Variants in TRIP13 observed in about 807,000 individuals in gnomAD.
TRIP13 encodes the protein pachytene checkpoint protein 2 homolog.
Under a neutral mutation model 54.4 loss-of-function variants are expected in TRIP13, and 25 were observed. That is an observed-to-expected ratio of 0.46 (90% CI 0.33 to 0.64). The LOEUF is 0.64. Among genes scored for constraint, TRIP13 ranks in the 30% least tolerant of loss-of-function variants. TRIP13 has a pLI of 0.02. For synonymous variants in TRIP13, 207 were observed against 207.8 expected, an observed-to-expected ratio of 1.00 and a Z score of 0.03; for missense variants, 373 against 534.2, an observed-to-expected ratio of 0.70 and a Z score of 2.97.
intron 4 of TRIP13, 93 bp from the exon 5 acceptor site, chr5:901,248 T>C: frequency 3.5e-6 from 4 of 1,132,852 alleles, no homozygotes; most frequent in Non-Finnish European, 5.2e-6. Context: ...CTCCCTCTTC[T>C]CATGTAGGAT....
At chr5:904,857 A>C (rs80093346) in intron 6 of TRIP13, among the ~76,000 whole-genome samples, 1 of 151,876 alleles carries the variant, frequency 6.6e-6, no homozygotes, top group African/African-American at 2.4e-5. Context: ...CTGTTTTTTC[A>C]TTATGTTCTC....
At chr5:893,658 T>G (rs938737666) in intron 1 of TRIP13, 1 of 161,294 alleles carries the variant, frequency 6.2e-6, no homozygotes, top group African/African-American at 2.4e-5. Flanking sequence ...TGGGGGGAAC[T>G]CAGCGGCGGG....
intron 9 of TRIP13, among the ~76,000 whole-genome samples, chr5:909,821 T>C (rs1264887780): frequency 1.3e-5 from 2 of 152,400 alleles, no homozygotes; most frequent in Middle Eastern, 3.4e-3. Context: ...CAGGAGCATG[T>C]CCTTAAGGCA....
intron 2 of TRIP13, among the ~76,000 whole-genome samples, 167 bp from the exon 3 acceptor site, chr5:896,498 A>G (rs1170551468): frequency 6.6e-6 from 1 of 152,200 alleles, no homozygotes; most frequent in Non-Finnish European, 1.5e-5. Flanking sequence ...AAAAGAGCCA[A>G]TCCTCAATCT....
intron 1 of TRIP13, 42 bp downstream of exon 1, chr5:893,132 G>GGGCCCCCCCCCCCCCCCCC: frequency 7.9e-7 from 1 of 1,264,120 alleles, no homozygotes; most frequent in South Asian, 1.3e-5. Context: ...GCACCCACCC[G>GGGCCCCCCCCCCCCCCCCC]CCCCGACCCC....
At chr5:893,976 C>T (rs371805184) in intron 1 of TRIP13, among the ~76,000 whole-genome samples, 1 of 152,256 alleles carries the variant, frequency 6.6e-6, no homozygotes, top group East Asian at 1.9e-4. Context: ...GGCCCAGAGA[C>T]GCTAGGCATA....
intron 5 of TRIP13, among the ~76,000 whole-genome samples, chr5:902,858 C>T (rs767632193): frequency 2.0e-4 from 31 of 152,180 alleles, no homozygotes; most frequent in Admixed American, 5.2e-4. Context: ...GGGACCCTTC[C>T]CTGCCTGGCA....
chr5:903,401 G>A (rs898674653), intron 5 of TRIP13, among the ~76,000 whole-genome samples: 5 of 151,376 alleles, frequency 3.3e-5, no homozygotes, highest in Non-Finnish European at 5.9e-5. Flanking sequence ...TGTAGAGCAA[G>A]GATTATTATA....
intron 1 of TRIP13, chr5:893,515 T>G (rs891048278): frequency 9.2e-6 from 2 of 216,712 alleles, no homozygotes; most frequent in African/African-American, 2.4e-5. Flanking sequence ...CCACTGCTTC[T>G]CAGACCCTTT....
chr5:915,968 G>GTCCAGGTGAGTC lies in TRIP13; in HGVS notation c.1203_1203+11dup. 6.2e-7 allele frequency: 1 copy of GTCCAGGTGAGTC among 1,614,072 alleles called. No individual in the cohort carries two copies. The highest frequency in any genetic ancestry group is 2.2e-5 in the East Asian group (1 of 44,882). On this transcript the variant is annotated inframe_insertion, in exon 12 of 13. Coordinates refer to ENST00000166345, the MANE Select transcript of TRIP13 (RefSeq NM_004237.4). This position sits in a 1 kb window ranked among gnomAD's most constrained non-coding sequence, Gnocchi z 4.2. ...CCCCTTTCTGGCTCATGCGCTGTAT[G>GTCCAGGTGAGTC]TCCAGGTGAGTCTCCACTGCTGTCC...
chr5:894,600 G>A (rs1753863233), intron 1 of TRIP13, among the ~76,000 whole-genome samples, 187 bp from the exon 2 acceptor site: 1 of 152,126 alleles, frequency 6.6e-6, no homozygotes, highest in Non-Finnish European at 1.5e-5. Context: ...GCTTCTTCAG[G>A]GCACAGCTGG....
rs1252815399 is a variant in TRIP13, at chr5:894,811, C to A, written c.117C>A (p.Asn39Lys). 5 of 1,609,876 alleles carry A rather than the reference C, an allele frequency of 3.1e-6. No individual in the cohort carries two copies. The highest frequency in any genetic ancestry group is 1.7e-5 in the Admixed American group (1 of 59,362). ...GCACTGCAAAGAAAGAAGACATAAA[C>A]CTGAGTGTTAGAAAGCTACTCAACA... is the stretch of plus-strand genomic sequence containing the variant. ...GSSTAKKEDI[N>K]LSVRKLLNRH... Residue 39 changes from asparagine (N) to lysine (K), a missense_variant, in exon 2 of 13, where the codon AAC becomes AAA. Asn to Lys is a moderately conservative substitution (Grantham distance 94). Transcript: ENST00000166345.
At chr5:903,686 G>T (rs921038018) in intron 5 of TRIP13, among the ~76,000 whole-genome samples, 2 of 152,008 alleles carry the variant, frequency 1.3e-5, no homozygotes, top group Admixed American at 6.6e-5. Context: ...GAAAGAGGGT[G>T]GTTCTGGGGG....
chr5:907,932 T>C lies in TRIP13; in HGVS notation c.673-56T>C. The C allele has an allele frequency of 1.3e-6, 2 of 1,570,066 alleles. No homozygotes were observed. Among genetic ancestry groups the C allele is most frequent in the South Asian group, 2.2e-5 (2 of 90,100 alleles). The stretch of plus-strand genomic sequence containing the variant: ...AGCAGGCCACATCAGGGTCCCCCTG[T>C]GCACCTGGCAGTGTGGTCCCTGCAC... On this transcript the variant is annotated intron_variant, in intron 7 of 12. Coordinates refer to ENST00000166345, the MANE Select transcript of TRIP13 (RefSeq NM_004237.4). This position sits in a 1 kb window ranked among gnomAD's most constrained non-coding sequence, Gnocchi z 4.1.
At chr5:906,426 T>C (rs954673937) in intron 6 of TRIP13, among the ~76,000 whole-genome samples, 1 of 152,238 alleles carries the variant, frequency 6.6e-6, no homozygotes, top group African/African-American at 2.4e-5. Context: ...TGTTAGATTG[T>C]CTGTATCCCT....
At chr5:896,158 T>A (rs10058019) in intron 2 of TRIP13, among the ~76,000 whole-genome samples, 2,783 of 152,144 alleles carry the variant, frequency 0.018, 86 homozygotes, top group African/African-American at 0.064. Context: ...AAAAGAGTTT[T>A]AAAAAATTAG....
chr5:906,466 C>T (rs1021425322), intron 6 of TRIP13, among the ~76,000 whole-genome samples: 27 of 152,138 alleles, frequency 1.8e-4, no homozygotes, highest in Admixed American at 1.6e-3. Flanking sequence ...TATCAGTAAA[C>T]GGTCTCTCTC....
chr5:905,265 A>G (rs1470182749), intron 6 of TRIP13, among the ~76,000 whole-genome samples: 1 of 152,040 alleles, frequency 6.6e-6, no homozygotes, highest in African/African-American at 2.4e-5. Flanking sequence ...CGGTCGGAGT[A>G]TGCACTCCTC....
chr5:894,371 C>T (rs1225262445), intron 1 of TRIP13, among the ~76,000 whole-genome samples: 1 of 152,144 alleles, frequency 6.6e-6, no homozygotes, highest in Non-Finnish European at 1.5e-5. Flanking sequence ...TTTCTCAGCA[C>T]GAATCACGGC....
Sources: gnomAD v4.1 joint callset for allele counts (sites outside exome capture counted in the v4.1 genomes callset) on GRCh38, gnomAD v4.1.1 for gene constraint, Gnocchi (gnomAD v3.1) non-coding constraint, MANE v1.5 for transcripts, NCBI Gene and HGNC (gene_info 2026-07-23, HGNC 2026-07-21) for gene names.